The following RNF38 variants were observed in gnomAD, a reference collection of about 807,000 sequenced individuals.
RNF38 encodes the protein ring finger protein 38.
A neutral mutation model predicts 67.2 loss-of-function variants in RNF38; 15 were observed. That is an observed-to-expected ratio of 0.22 (90% CI 0.15 to 0.34). RNF38 has a LOEUF of 0.34. Ranked by LOEUF, RNF38 falls within the 10% of genes least tolerant of loss-of-function variation. The probability of loss-of-function intolerance (pLI) is 1.00; values close to 1 mark genes in which losing one functional copy is unlikely to be tolerated. For missense variants in RNF38, 524 were observed against 639.9 expected, an observed-to-expected ratio of 0.82 and a Z score of 1.95; for synonymous variants, 220 against 218.8, an observed-to-expected ratio of 1.01 and a Z score of -0.05.
intron 1 of RNF38, among the ~76,000 whole-genome samples, chr9:36,472,079 TAAA>T (rs1032356979): frequency 6.6e-6 from 1 of 152,228 alleles, no homozygotes; most frequent in Non-Finnish European, 1.5e-5. Context: ...GCAGTTTTAA[TAAA>T]AATATTAGAT....
chr9:36,372,324 A>T (rs1835447766), intron 3 of RNF38, among the ~76,000 whole-genome samples: 1 of 152,104 alleles, frequency 6.6e-6, no homozygotes. Context: ...TCCCTCTTAC[A>T]TCTCACATGT....
intron 10 of RNF38, 44 bp downstream of exon 10, chr9:36,344,788 G>A (rs1833098538): frequency 6.3e-7 from 1 of 1,584,558 alleles, no homozygotes; most frequent in Admixed American, 1.7e-5. Context: ...TTTCATAAAG[G>A]TAGAAAAGGA....
intron 2 of RNF38, among the ~76,000 whole-genome samples, chr9:36,382,482 A>G (rs1478585071): frequency 1.3e-5 from 2 of 152,244 alleles, no homozygotes; most frequent in African/African-American, 2.4e-5. Flanking sequence ...ATTCCAGATG[A>G]ACAAGTCAGA....
At chr9:36,455,250 G>A (rs763230490) in intron 1 of RNF38, among the ~76,000 whole-genome samples, 52 of 151,530 alleles carry the variant, frequency 3.4e-4, no homozygotes, top group Admixed American at 8.5e-4. Flanking sequence ...TAGTAGAGAC[G>A]GGCATTTCAC....
At chr9:36,426,850 C>A (rs146392540) in intron 1 of RNF38, among the ~76,000 whole-genome samples, 1 of 152,318 alleles carries the variant, frequency 6.6e-6, no homozygotes, top group Non-Finnish European at 1.5e-5. Flanking sequence ...CCTCCCTCAT[C>A]TGTAAAATTA....
intron 1 of RNF38, among the ~76,000 whole-genome samples, chr9:36,475,145 CAAAAAAA>C (rs10572878): frequency 4.1e-5 from 5 of 122,560 alleles, no homozygotes; most frequent in Admixed American, 3.4e-4. Flanking sequence ...GACTCTGCCT[CAAAAAAA>C]AAAAAAAAAA....
chr9:36,362,746 G>A (rs969856643), intron 4 of RNF38, among the ~76,000 whole-genome samples: 1 of 151,966 alleles, frequency 6.6e-6, no homozygotes, highest in Non-Finnish European at 1.5e-5. Context: ...CCATTCTCCG[G>A]CCTCAGCCTT....
At chr9:36,419,443 G>A (rs143648799) in intron 2 of RNF38, among the ~76,000 whole-genome samples, 4 of 152,160 alleles carry the variant, frequency 2.6e-5, no homozygotes, top group East Asian at 1.9e-4. Context: ...TTCTATTTTC[G>A]TTTCTCAAAT....
At chr9:36,377,356 T>C (rs904050877) in intron 2 of RNF38, among the ~76,000 whole-genome samples, 7 of 152,184 alleles carry the variant, frequency 4.6e-5, no homozygotes, top group Non-Finnish European at 8.8e-5. Flanking sequence ...TATACAGGAT[T>C]ATAAATTAGT....
chr9:36,459,142 A>G (rs1163782466), intron 1 of RNF38, among the ~76,000 whole-genome samples: 9 of 150,510 alleles, frequency 6.0e-5, no homozygotes, highest in Non-Finnish European at 1.0e-4. Flanking sequence ...CAGGAGGTGG[A>G]GGTTGCAGTG....
intron 4 of RNF38, among the ~76,000 whole-genome samples, chr9:36,366,752 G>C (rs949971545): frequency 8.5e-5 from 13 of 152,214 alleles, no homozygotes; most frequent in African/African-American, 3.1e-4. Flanking sequence ...AAGCATGTTT[G>C]AAGTAGGTGA....
In RNF38 at chr9:36,437,017, C is replaced by T. The variant is rs1839085901; in HGVS notation, n.242-12334G>A. ...CAGACTCTTCCTTTTTCCCTCTTAG[C>T]TATTCCTATGCAGATAAACATTTGA... On this transcript the variant is annotated intron_variant and non_coding_transcript_variant, in intron 1 of 3. Coordinates refer to the RNF38 transcript ENST00000488058. Among the ~76,000 whole-genome samples the T allele has an allele frequency of 2.6e-5, 4 of 152,136 alleles. No individual in the cohort carries two copies. In the South Asian group the frequency reaches 8.3e-4, roughly 32 times the overall value.
intron 4 of RNF38, among the ~76,000 whole-genome samples, chr9:36,359,665 A>C (rs917321057): frequency 6.6e-6 from 1 of 152,092 alleles, no homozygotes; most frequent in Admixed American, 6.5e-5. Flanking sequence ...AATTTTATTC[A>C]CTTCCAAAAC....
At chr9:36,362,123 G>A (rs548413788) in intron 4 of RNF38, among the ~76,000 whole-genome samples, 53 of 152,296 alleles carry the variant, frequency 3.5e-4, no homozygotes, top group African/African-American at 1.3e-3. Context: ...TTGGGAGGCT[G>A]AGGTGGGTGG....
intron 9 of RNF38, among the ~76,000 whole-genome samples, chr9:36,349,090 G>A (rs892796395): frequency 1.3e-5 from 2 of 152,160 alleles, no homozygotes; most frequent in East Asian, 1.9e-4. Flanking sequence ...ATGACAAAAC[G>A]TCTGTTTACA....
At chr9:36,427,842 C>G (rs1587119901) in intron 1 of RNF38, among the ~76,000 whole-genome samples, 1 of 151,832 alleles carries the variant, frequency 6.6e-6, no homozygotes, top group East Asian at 1.9e-4. Context: ...TCCCGAGTAG[C>G]TGGGATTACA....
At chr9:36,470,623 A>G (rs1335508618) in intron 1 of RNF38, among the ~76,000 whole-genome samples, 4 of 152,158 alleles carry the variant, frequency 2.6e-5, no homozygotes, top group African/African-American at 9.7e-5. Context: ...TTTTAACCCC[A>G]GGCATAATAA....
intron 2 of RNF38, among the ~76,000 whole-genome samples, chr9:36,407,005 T>C (rs1462574694): frequency 1.3e-5 from 2 of 149,306 alleles, no homozygotes; most frequent in Non-Finnish European, 2.9e-5. Context: ...CCACCAAAAA[T>C]ACAAAAAAAA....
rs74494267 is a variant in RNF38 at position 36,456,229 on chromosome 9, T to C, written n.241+31079A>G. Among the ~76,000 whole-genome samples, 571 of 152,312 alleles carry C rather than the reference T, an allele frequency of 3.7e-3. 3 individuals are homozygous for C. The highest frequency in any genetic ancestry group is 0.013 in the African/African-American group (547 of 41,574). ...GTACACCACCACATCTGGCTAATTT[T>C]GTATTTTTAGTAGAAACGGGTTTCA... On this transcript the variant is annotated intron_variant and non_coding_transcript_variant, in intron 1 of 3. Coordinates refer to the RNF38 transcript ENST00000488058.
Sources: gnomAD v4.1 joint callset for allele counts (sites outside exome capture counted in the v4.1 genomes callset) on GRCh38, gnomAD v4.1.1 for gene constraint, MANE v1.5 for transcripts, NCBI Gene and HGNC (gene_info 2026-07-23, HGNC 2026-07-21) for gene names.